FOXP1: variants seen among roughly 807,000 people sequenced by gnomAD.
FOXP1 encodes forkhead box protein P1.
In FOXP1, 15 loss-of-function variants were observed where a neutral mutation model predicts 98.2. The observed-to-expected ratio is 0.15, with a 90% CI of 0.10 to 0.24. FOXP1 has a LOEUF of 0.24. Among genes scored for constraint, FOXP1 ranks in the 10% least tolerant of loss-of-function variants. The pLI is 1.00. For missense variants in FOXP1, 633 were observed against 848.5 expected, an observed-to-expected ratio of 0.75 and a Z score of 3.15; for synonymous variants, 371 against 314.5, an observed-to-expected ratio of 1.18 and a Z score of -1.90.
At chr3:71,093,662 A>G (rs1026437489) in intron 7 of FOXP1, among the ~76,000 whole-genome samples, 4 of 151,726 alleles carry the variant, frequency 2.6e-5, no homozygotes, top group Non-Finnish European at 5.9e-5. Flanking sequence ...CTACAGGCAC[A>G]TAATAAATGT....
chr3:71,063,312 T>G (rs912129428), intron 7 of FOXP1, among the ~76,000 whole-genome samples: 1 of 152,284 alleles, frequency 6.6e-6, no homozygotes, highest in Non-Finnish European at 1.5e-5. Context: ...ATTGATTTAC[T>G]TAGTGGTCAA....
chr3:71,043,587 ATAC>A (rs1377083235), intron 10 of FOXP1, among the ~76,000 whole-genome samples: 2 of 152,184 alleles, frequency 1.3e-5, no homozygotes, highest in African/African-American at 4.8e-5. Context: ...TGATGATGGC[ATAC>A]TGATATAAAA....
intron 2 of FOXP1, among the ~76,000 whole-genome samples, chr3:71,552,711 T>C (rs1335539511): frequency 1.3e-5 from 2 of 152,158 alleles, no homozygotes; most frequent in East Asian, 3.9e-4. Flanking sequence ...CAAAATATAA[T>C]AATAATATTG....
At chr3:71,370,564 G>A (rs991921436) in intron 3 of FOXP1, among the ~76,000 whole-genome samples, 29 of 152,090 alleles carry the variant, frequency 1.9e-4, no homozygotes, top group African/African-American at 4.8e-4. Context: ...GTCACAAGAC[G>A]CAGGTTCCGA....
At chr3:71,158,835 G>C (rs1398994544) in intron 6 of FOXP1, among the ~76,000 whole-genome samples, 1 of 151,930 alleles carries the variant, frequency 6.6e-6, no homozygotes, top group Non-Finnish European at 1.5e-5. Context: ...GCCAAGCAAG[G>C]TGGCTCATGC....
At chr3:71,362,605 G>A (rs2078649209) in intron 3 of FOXP1, among the ~76,000 whole-genome samples, 1 of 152,184 alleles carries the variant, frequency 6.6e-6, no homozygotes, top group Admixed American at 6.6e-5. Flanking sequence ...AAGTAGCTGA[G>A]ACTACAGGCA....
intron 11 of FOXP1, among the ~76,000 whole-genome samples, chr3:71,025,805 G>A (rs991697917): frequency 6.6e-6 from 1 of 152,132 alleles, no homozygotes; most frequent in Non-Finnish European, 1.5e-5. Flanking sequence ...GTAAACTACT[G>A]AATCAATGAG....
At chr3:70,996,677 C>T (rs568767449) in intron 13 of FOXP1, among the ~76,000 whole-genome samples, 1 of 152,184 alleles carries the variant, frequency 6.6e-6, no homozygotes, top group Non-Finnish European at 1.5e-5. Context: ...GTTGCTTCTA[C>T]AGCTACTGTG....
Position 71,389,226 on chromosome 3 carries a change from A to G in FOXP1, c.-167-29982T>C, listed in dbSNP as rs866038969. Among the ~76,000 whole-genome samples, 46 of 41,222 alleles carry G rather than the reference A, an allele frequency of 1.1e-3. 1 individual carries two copies. In the Middle Eastern group the frequency reaches 0.11, roughly 94 times the overall value. The allele number at this position is 41,222 out of a possible 152,430, so 27.0% of individuals were successfully genotyped here. A position where few individuals can be genotyped will look rare whatever the true frequency, so the allele number is the denominator to read the frequency against. Reference sequence around the variant, plus strand: ...AATCAATTAGGACTCCATATGCTATATCTGTAAGCGGCGGGGGGGGGGGGG... The same window carrying G: ...AATCAATTAGGACTCCATATGCTATGTCTGTAAGCGGCGGGGGGGGGGGGG... On this transcript the variant is annotated intron_variant, in intron 3 of 20. Transcript: ENST00000649528.
intron 11 of FOXP1, among the ~76,000 whole-genome samples, chr3:71,017,333 C>T (rs2044650537): frequency 6.6e-6 from 1 of 151,856 alleles, no homozygotes; most frequent in African/African-American, 2.4e-5. Flanking sequence ...CTCAGATATT[C>T]TAAGAGGGAA....
chr3:71,152,718 A>C (rs2060630720), intron 6 of FOXP1, among the ~76,000 whole-genome samples: 2 of 152,194 alleles, frequency 1.3e-5, no homozygotes, highest in Non-Finnish European at 1.5e-5. Context: ...TGCTTACCCC[A>C]CAGAGCTGTG....
intron 6 of FOXP1, among the ~76,000 whole-genome samples, chr3:71,114,993 T>C (rs1394302845): frequency 6.6e-6 from 1 of 152,208 alleles, no homozygotes; most frequent in East Asian, 1.9e-4. Flanking sequence ...ACTATATATG[T>C]TCCCTTAGCT....
At chr3:71,188,304 A>G (rs1055639888) in intron 6 of FOXP1, among the ~76,000 whole-genome samples, 2 of 152,248 alleles carry the variant, frequency 1.3e-5, no homozygotes, top group African/African-American at 4.8e-5. Context: ...ACATCATGTC[A>G]CCTTCCCTTC....
intron 4 of FOXP1, among the ~76,000 whole-genome samples, chr3:71,303,220 T>C (rs1205809540): frequency 1.3e-5 from 2 of 152,232 alleles, no homozygotes; most frequent in African/African-American, 4.8e-5. Flanking sequence ...TTTTATATAA[T>C]TGTGCAAAAG....
intron 3 of FOXP1, among the ~76,000 whole-genome samples, chr3:71,371,466 C>T (rs2107985137): frequency 6.6e-6 from 1 of 152,294 alleles, no homozygotes; most frequent in East Asian, 1.9e-4. Flanking sequence ...GAAGTCACTG[C>T]CTCCAACTGC....
intron 2 of FOXP1, among the ~76,000 whole-genome samples, chr3:71,534,462 C>A (rs1333756618): frequency 6.6e-6 from 1 of 152,208 alleles, no homozygotes; most frequent in Admixed American, 6.5e-5. Context: ...GAAAAAAAAT[C>A]CACGTATGAG....
At chr3:71,263,944 T>G (rs1219488497) in intron 5 of FOXP1, among the ~76,000 whole-genome samples, 1 of 151,040 alleles carries the variant, frequency 6.6e-6, no homozygotes, top group African/African-American at 2.4e-5. Context: ...AGAGATGAGG[T>G]CTCACTTTCC....
Position 71,190,474 on chromosome 3 carries a change from C to CA in FOXP1, c.180+7727dup, listed in dbSNP as rs10713146. On this transcript the variant is annotated intron_variant, in intron 6 of 20. Coordinates refer to ENST00000649528, the MANE Select transcript of FOXP1 (RefSeq NM_001349338.3). ...AGGAAAACAAAAAGAAAAACAACAA[C>CA]AAAAAAAAAACAGCTGGCCTGCCGT... Among the ~76,000 whole-genome samples the CA allele has an allele frequency of 6.5e-4, 95 of 146,112 alleles. 1 individual carries two copies. The highest frequency in any genetic ancestry group is 3.5e-3 in the Middle Eastern group (1 of 284).
At chr3:71,527,687 G>A (rs1325947933) in intron 2 of FOXP1, among the ~76,000 whole-genome samples, 1 of 152,104 alleles carries the variant, frequency 6.6e-6, no homozygotes, top group Non-Finnish European at 1.5e-5. Context: ...TTTTTCATCT[G>A]TGTTTCCCCC....
Sources: allele counts gnomAD v4.1 joint callset (sites outside exome capture counted in the v4.1 genomes callset), GRCh38; gene constraint gnomAD v4.1.1; transcripts MANE v1.5; gene names NCBI Gene and HGNC (gene_info 2026-07-23, HGNC 2026-07-21).